MIR2052HG: variants seen among roughly 807,000 people sequenced by gnomAD.
The protein encoded by MIR2052HG is MIR2052 host gene.
intron 4 of MIR2052HG, among the ~76,000 whole-genome samples, chr8:74,705,204 A>G (rs528195017): frequency 6.6e-6 from 1 of 152,204 alleles, no homozygotes; most frequent in South Asian, 2.1e-4. Context: ...GTTTAGGGAC[A>G]TGCCAAAAGT....
intron 4 of MIR2052HG, among the ~76,000 whole-genome samples, chr8:74,716,937 T>C (rs1809527036): frequency 6.6e-6 from 1 of 152,194 alleles, no homozygotes; most frequent in Non-Finnish European, 1.5e-5. Flanking sequence ...TATTACTATT[T>C]ATATACAGGT....
chr8:74,679,808 C>A (rs1005284517), intron 2 of MIR2052HG, among the ~76,000 whole-genome samples: 2 of 152,000 alleles, frequency 1.3e-5, no homozygotes, highest in African/African-American at 2.4e-5. Flanking sequence ...TCCCAAAGTG[C>A]TAGGATTACA....
At chr8:74,675,894 G>T (rs536442266) in intron 2 of MIR2052HG, among the ~76,000 whole-genome samples, 1 of 151,604 alleles carries the variant, frequency 6.6e-6, no homozygotes, top group Non-Finnish European at 1.5e-5. Context: ...TATTAGTATC[G>T]GTCCGATAAA....
At chr8:74,647,203 G>C (rs981551448) in intron 2 of MIR2052HG, among the ~76,000 whole-genome samples, 1 of 152,034 alleles carries the variant, frequency 6.6e-6, no homozygotes, top group Non-Finnish European at 1.5e-5. Flanking sequence ...ATACACACAT[G>C]GTATTTCAGC....
chr8:74,620,617 G>A (rs2128732613), intron 2 of MIR2052HG, among the ~76,000 whole-genome samples: 1 of 152,380 alleles, frequency 6.6e-6, no homozygotes, highest in Non-Finnish European at 1.5e-5. Flanking sequence ...TGAGCTGTAT[G>A]CTGACCCTTT....
At chr8:74,664,960 T>A (rs1042749277) in intron 2 of MIR2052HG, among the ~76,000 whole-genome samples, 2 of 152,234 alleles carry the variant, frequency 1.3e-5, no homozygotes, top group African/African-American at 4.8e-5. Flanking sequence ...CTTCTAAGTA[T>A]CTCCTGGTTT....
chr8:74,639,046 G>A (rs141588412), intron 2 of MIR2052HG, among the ~76,000 whole-genome samples: 3 of 152,142 alleles, frequency 2.0e-5, no homozygotes, highest in Non-Finnish European at 2.9e-5. Flanking sequence ...TGAGTCCTTA[G>A]AAAACAAAGG....
intron 4 of MIR2052HG, among the ~76,000 whole-genome samples, chr8:74,747,071 G>A (rs1180612089): frequency 1.3e-5 from 2 of 151,932 alleles, no homozygotes; most frequent in Non-Finnish European, 2.9e-5. Flanking sequence ...ATCTAGTTTT[G>A]GATATTTCTA....
chr8:74,630,116 A>G (rs1808488290), intron 2 of MIR2052HG, among the ~76,000 whole-genome samples: 1 of 152,218 alleles, frequency 6.6e-6, no homozygotes, highest in Non-Finnish European at 1.5e-5. Flanking sequence ...TTCAGAATGA[A>G]AAACAAGTGA....
At position 74,733,286 on chromosome 8, in the gene MIR2052HG, G is replaced by A. The variant is rs185467041; in HGVS notation, n.372-19155G>A. Among the ~76,000 whole-genome samples the A allele has an allele frequency of 7.2e-3, 1,098 of 151,840 alleles. 8 individuals are homozygous for A. The highest frequency in any genetic ancestry group is 0.014 in the Admixed American group (211 of 15,232). ...GTGATGTTCCCCTTCCTGTGTCCAT[G>A]TGTTCTCATTATTCAATTCCCACCT... On this transcript the variant is annotated intron_variant and non_coding_transcript_variant, in intron 4 of 6. Transcript: ENST00000523442.
intron 4 of MIR2052HG, among the ~76,000 whole-genome samples, chr8:74,727,808 A>G (rs965499388): frequency 2.0e-5 from 3 of 152,336 alleles, no homozygotes; most frequent in Non-Finnish European, 2.9e-5. Flanking sequence ...TTTTCTTGTC[A>G]TGATTCTTGG....
intron 4 of MIR2052HG, among the ~76,000 whole-genome samples, chr8:74,717,098 G>A (rs888215699): frequency 5.3e-5 from 8 of 151,972 alleles, no homozygotes; most frequent in East Asian, 1.9e-4. Flanking sequence ...CTATCAACCC[G>A]TCATCTAGGC....
intron 2 of MIR2052HG, among the ~76,000 whole-genome samples, chr8:74,623,158 AAAG>A (rs1463928722): frequency 1.3e-5 from 2 of 152,248 alleles, no homozygotes; most frequent in Non-Finnish European, 2.9e-5. Flanking sequence ...TCATCACAAA[AAAG>A]ATAAGAATGG....
intron 2 of MIR2052HG, among the ~76,000 whole-genome samples, chr8:74,653,110 G>A (rs902385770): frequency 6.6e-6 from 1 of 151,774 alleles, no homozygotes; most frequent in African/African-American, 2.4e-5. Flanking sequence ...CACAAATGCT[G>A]GCCACATTAG....
At chr8:74,744,594 C>T (rs978618381) in intron 4 of MIR2052HG, among the ~76,000 whole-genome samples, 7 of 151,744 alleles carry the variant, frequency 4.6e-5, no homozygotes, top group Admixed American at 1.3e-4. Context: ...TTTGTCCTTG[C>T]GATAGTTTAC....
At chr8:74,644,649 G>A (rs1383561695) in intron 2 of MIR2052HG, among the ~76,000 whole-genome samples, 1 of 151,912 alleles carries the variant, frequency 6.6e-6, no homozygotes, top group East Asian at 1.9e-4. Context: ...CTAGCACTTT[G>A]GGGGGCTGAG....
At chr8:74,698,106 A>G (rs1809318297) in intron 2 of MIR2052HG, among the ~76,000 whole-genome samples, 1 of 152,208 alleles carries the variant, frequency 6.6e-6, no homozygotes, top group African/African-American at 2.4e-5. Flanking sequence ...ACTTCAAACC[A>G]TACTGTAAGG....
intron 2 of MIR2052HG, among the ~76,000 whole-genome samples, chr8:74,658,753 AT>A (rs939507123): frequency 9.2e-5 from 14 of 151,828 alleles, no homozygotes; most frequent in Non-Finnish European, 1.5e-5. Context: ...CTATATCTTG[AT>A]TTTTTTTCAA....
intron 2 of MIR2052HG, among the ~76,000 whole-genome samples, chr8:74,630,539 A>AAG (rs1226485516): frequency 2.0e-5 from 3 of 151,982 alleles, no homozygotes; most frequent in Admixed American, 6.6e-5. Context: ...AAAAAAAAAA[A>AAG]AAAAAGAAAA....
Sources: allele counts gnomAD v4.1 joint callset (sites outside exome capture counted in the v4.1 genomes callset), GRCh38; gene constraint gnomAD v4.1.1; transcripts MANE v1.5; gene names NCBI Gene and HGNC (gene_info 2026-07-23, HGNC 2026-07-21).